The following CCSER1 variants were observed in gnomAD, a reference collection of about 807,000 sequenced individuals.
The protein encoded by CCSER1 is serine-rich coiled-coil domain-containing protein 1.
In CCSER1, 41 loss-of-function variants were observed where a neutral mutation model predicts 82.0. That is an observed-to-expected ratio of 0.50 (90% CI 0.39 to 0.65). The LOEUF is 0.65. Ranked by LOEUF, CCSER1 falls within the 30% of genes least tolerant of loss-of-function variation. The pLI is 0.00. For missense variants in CCSER1, 1,119 were observed against 1,064.2 expected, an observed-to-expected ratio of 1.05 and a Z score of -0.72; for synonymous variants, 414 against 383.9, an observed-to-expected ratio of 1.08 and a Z score of -0.92.
intron 9 of CCSER1, among the ~76,000 whole-genome samples, chr4:91,048,239 C>A (rs979664983): frequency 5.9e-5 from 9 of 151,870 alleles, no homozygotes; most frequent in African/African-American, 2.2e-4. Flanking sequence ...ATGAAATAGA[C>A]ATCATATAAG....
intron 5 of CCSER1, among the ~76,000 whole-genome samples, chr4:90,510,201 G>T (rs1459231903): frequency 6.6e-6 from 1 of 151,998 alleles, no homozygotes; most frequent in Non-Finnish European, 1.5e-5. Context: ...TACCAATAAC[G>T]TCATGCATTT....
chr4:90,303,034 A>G (rs1196971537), intron 1 of CCSER1, among the ~76,000 whole-genome samples: 1 of 152,158 alleles, frequency 6.6e-6, no homozygotes, highest in Non-Finnish European at 1.5e-5. Context: ...TCTCAAGGGA[A>G]ATACAAGTTC....
At chr4:90,912,232 G>T (rs1726509481) in intron 8 of CCSER1, among the ~76,000 whole-genome samples, 1 of 152,122 alleles carries the variant, frequency 6.6e-6, no homozygotes, top group African/African-American at 2.4e-5. Flanking sequence ...CTAATTATGT[G>T]TCTGCCCAGT....
In CCSER1 at chr4:90,684,394, T is replaced by C. The variant is rs1354888242; in HGVS notation, c.1933-39520T>C. ...ATAGTGTCTGCCATATTATATCCAA[T>C]TAAAAAATAACATGCTATTCATTAT... On this transcript the variant is annotated intron_variant, in intron 6 of 10. Coordinates refer to ENST00000509176, the MANE Select transcript of CCSER1 (RefSeq NM_001145065.2). Among the ~76,000 whole-genome samples the C allele has an allele frequency of 3.3e-5, 5 of 152,190 alleles. No homozygotes were observed. The East Asian group carries it at 9.6e-4, about 29-fold the overall frequency.
At chr4:91,573,411 T>C (rs925067705) in intron 10 of CCSER1, among the ~76,000 whole-genome samples, 8 of 152,178 alleles carry the variant, frequency 5.3e-5, no homozygotes, top group Non-Finnish European at 1.0e-4. Context: ...TGTAACCTCC[T>C]ACTTTGCTGG....
intron 6 of CCSER1, among the ~76,000 whole-genome samples, chr4:90,661,879 C>T (rs537092022): frequency 4.6e-4 from 69 of 151,050 alleles, no homozygotes; most frequent in Non-Finnish European, 9.0e-4. Context: ...TTGAAAAAGG[C>T]AGGCATTACT....
At chr4:90,372,771 G>A (rs1747662583) in intron 3 of CCSER1, among the ~76,000 whole-genome samples, 1 of 151,616 alleles carries the variant, frequency 6.6e-6, no homozygotes, top group Non-Finnish European at 1.5e-5. Context: ...AAAAAAAAAA[G>A]CTAGATTAGG....
At chr4:90,194,858 C>G (rs1360083468) in intron 1 of CCSER1, among the ~76,000 whole-genome samples, 2 of 152,006 alleles carry the variant, frequency 1.3e-5, no homozygotes, top group African/African-American at 2.4e-5. Flanking sequence ...TATACTCTTA[C>G]TGTAGTCCTT....
intron 8 of CCSER1, among the ~76,000 whole-genome samples, chr4:90,871,031 C>A (rs1374330701): frequency 6.7e-6 from 1 of 150,354 alleles, no homozygotes; most frequent in African/African-American, 2.4e-5. Flanking sequence ...TGTAATGTCT[C>A]CTTTTTTTTG....
Position 91,013,945 on chromosome 4 carries a change from G to T in CCSER1, c.2173-72005G>T, listed in dbSNP as rs1256334703. On this transcript the variant is annotated intron_variant, in intron 9 of 10. Transcript: ENST00000509176. ...ACACTTTTTTGTTTTTGTTTTTGTT[G>T]TTGTTGTTGTTGTTTTGTATTTCTG... is the stretch of plus-strand genomic sequence containing the variant. Among the ~76,000 whole-genome samples the T allele has an allele frequency of 7.6e-5, 10 of 131,062 alleles. 1 individual carries two copies. The highest frequency in any genetic ancestry group is 5.4e-4 in the Admixed American group (7 of 12,948). 86.0% of individuals were successfully genotyped at this position (131,062 alleles called of 152,430 possible).
chr4:90,852,215 T>C (rs1224831301), intron 8 of CCSER1, among the ~76,000 whole-genome samples: 1 of 152,200 alleles, frequency 6.6e-6, no homozygotes, highest in African/African-American at 2.4e-5. Flanking sequence ...ACCCTAAAGC[T>C]GAGATCTAGA....
chr4:91,096,530 G>A (rs1724533148), intron 10 of CCSER1, among the ~76,000 whole-genome samples: 1 of 152,152 alleles, frequency 6.6e-6, no homozygotes, highest in Non-Finnish European at 1.5e-5. Flanking sequence ...GAACTGATCT[G>A]GGTGTCCTGG....
chr4:90,518,839 A>G (rs867020630), intron 5 of CCSER1, among the ~76,000 whole-genome samples: 1 of 151,916 alleles, frequency 6.6e-6, no homozygotes. Context: ...TAGTTATCCT[A>G]TAGATATCCA....
intron 5 of CCSER1, among the ~76,000 whole-genome samples, chr4:90,469,211 A>T (rs1332731063): frequency 6.6e-6 from 1 of 152,004 alleles, no homozygotes; most frequent in African/African-American, 2.4e-5. Context: ...TGCTTCTTGT[A>T]TGTCTTTTTA....
intron 5 of CCSER1, among the ~76,000 whole-genome samples, chr4:90,581,769 G>A (rs530489848): frequency 1.3e-5 from 2 of 151,920 alleles, no homozygotes; most frequent in East Asian, 1.9e-4. Flanking sequence ...TTTTGCATGG[G>A]GACTATTTTG....
At chr4:91,049,050 G>A (rs1248039998) in intron 9 of CCSER1, among the ~76,000 whole-genome samples, 1 of 152,042 alleles carries the variant, frequency 6.6e-6, no homozygotes, top group Non-Finnish European at 1.5e-5. Flanking sequence ...ATTGACCTTA[G>A]GTGCACACAA....
At chr4:90,168,617 T>C (rs572963368) in intron 1 of CCSER1, among the ~76,000 whole-genome samples, 3 of 152,362 alleles carry the variant, frequency 2.0e-5, no homozygotes, top group African/African-American at 4.8e-5. Context: ...AGGTCTAACA[T>C]TGAAGTCTTT....
At position 91,139,467 on chromosome 4, in the gene CCSER1, G is replaced by A. The variant is rs186275292; in HGVS notation, c.2217+53473G>A. Among the ~76,000 whole-genome samples the A allele has an allele frequency of 2.1e-3, 326 of 152,196 alleles. 5 individuals carry two copies. Among genetic ancestry groups the A allele is most frequent in the East Asian group, 7.3e-3 (38 of 5,174 alleles). ...AAGAGGCTTTATTATTTCTAAGTGCGCTGCGATTTGCATTTTTCTCTTAGC... is the reference window on the plus strand; with the variant it reads ...AAGAGGCTTTATTATTTCTAAGTGCACTGCGATTTGCATTTTTCTCTTAGC... On this transcript the variant is annotated intron_variant, in intron 10 of 10. Transcript: ENST00000509176.
intron 10 of CCSER1, among the ~76,000 whole-genome samples, chr4:91,438,244 G>C (rs1471881715): frequency 4.6e-5 from 7 of 152,168 alleles, no homozygotes; most frequent in Non-Finnish European, 7.3e-5. Context: ...AGTAGGGGCA[G>C]ACTGACACCT....
Sources: allele counts gnomAD v4.1 joint callset (sites outside exome capture counted in the v4.1 genomes callset), GRCh38; gene constraint gnomAD v4.1.1; transcripts MANE v1.5; gene names NCBI Gene and HGNC (gene_info 2026-07-23, HGNC 2026-07-21).